Variants in LRRC72 observed in about 807,000 individuals in gnomAD.
LRRC72 encodes leucine rich repeat containing 72, also known as leucine-rich repeat-containing protein 72.
In LRRC72, 41 loss-of-function variants were observed where a neutral mutation model predicts 35.8. The observed-to-expected ratio is 1.15, with a 90% confidence interval of 0.89 to 1.49. LRRC72 has a LOEUF of 1.49. Among genes scored for constraint, LRRC72 ranks in the 40% most tolerant of loss-of-function variants. The pLI, the probability that LRRC72 is intolerant of heterozygous loss-of-function variation, is 0.00. For synonymous variants in LRRC72, 118 were observed against 119.2 expected (o/e 0.99, Z 0.07); for missense variants, 389 against 330.7 (o/e 1.18, Z -1.37).
At chr7:16,530,645 G>A (rs769080434) in intron 1 of LRRC72, 1 of 152,056 alleles carries the variant, frequency 6.6e-6, no homozygotes, top group African/African-American at 2.4e-5. Context: ...CCAATTAGTG[G>A]GGACTATTTC....
intron 1 of LRRC72, among the ~76,000 whole-genome samples, chr7:16,531,460 C>A (rs1434312066): frequency 6.6e-6 from 1 of 152,158 alleles, no homozygotes; most frequent in Non-Finnish European, 1.5e-5. Flanking sequence ...TAAATATGTT[C>A]ATTGCACTAA....
At chr7:16,563,819 G>A (rs1208732932) in intron 5 of LRRC72, among the ~76,000 whole-genome samples, 1 of 152,152 alleles carries the variant, frequency 6.6e-6, no homozygotes, top group Non-Finnish European at 1.5e-5. Context: ...TTTAAGCAGA[G>A]GATGGGCTAA....
intron 3 of LRRC72, among the ~76,000 whole-genome samples, chr7:16,553,062 A>T (rs1487076130): frequency 3.3e-5 from 5 of 152,194 alleles, no homozygotes; most frequent in Non-Finnish European, 5.9e-5. Flanking sequence ...AAGTTTTCAG[A>T]GATTATTACA....
intron 6 of LRRC72, among the ~76,000 whole-genome samples, chr7:16,567,115 G>A (rs1782858790): frequency 6.6e-6 from 1 of 152,132 alleles, no homozygotes; most frequent in Admixed American, 6.5e-5. Flanking sequence ...GATGTTTCAT[G>A]CTAAAATTTT....
intron 3 of LRRC72, among the ~76,000 whole-genome samples, chr7:16,553,837 T>C (rs1782598610): frequency 6.6e-6 from 1 of 152,230 alleles, no homozygotes; most frequent in Non-Finnish European, 1.5e-5. Context: ...TGATTACCTG[T>C]ATGTATTTTA....
chr7:16,537,565 C>G (rs529305845), intron 2 of LRRC72, 62 bp from the exon 3 acceptor site: 1 of 1,027,026 alleles, frequency 9.7e-7, no homozygotes, highest in Admixed American at 2.7e-5. Context: ...TAACTACATG[C>G]CCAGACTTAC....
At chr7:16,533,474 C>T (rs1004073666) in intron 2 of LRRC72, among the ~76,000 whole-genome samples, 2 of 152,136 alleles carry the variant, frequency 1.3e-5, no homozygotes, top group Non-Finnish European at 1.5e-5. Flanking sequence ...ACATTTTGTC[C>T]CCCTTACTTT....
chr7:16,529,937 C>T (rs1782133475), intron 1 of LRRC72, among the ~76,000 whole-genome samples: 1 of 152,148 alleles, frequency 6.6e-6, no homozygotes, highest in African/African-American at 2.4e-5. Flanking sequence ...GAAAGTCCCT[C>T]ATGATCTCAA....
At chr7:16,581,228 A>G in intron 8 of LRRC72, 96 bp from the exon 9 acceptor site, 1 of 1,131,386 alleles carries the variant, frequency 8.8e-7, no homozygotes, top group Admixed American at 3.3e-5. Flanking sequence ...TAACACAGAA[A>G]AACATGGCAT....
At chr7:16,556,976 G>C (rs1055050768) in intron 3 of LRRC72, among the ~76,000 whole-genome samples, 1 of 152,114 alleles carries the variant, frequency 6.6e-6, no homozygotes, top group Non-Finnish European at 1.5e-5. Context: ...GAGAGCCCTT[G>C]GCACATGATA....
At chr7:16,543,902 G>A (rs944939194) in intron 3 of LRRC72, among the ~76,000 whole-genome samples, 1 of 152,298 alleles carries the variant, frequency 6.6e-6, no homozygotes, top group South Asian at 2.1e-4. Flanking sequence ...ACTTCTGCAC[G>A]TGGTGATATG....
chr7:16,568,913 C>T (rs1204892955), intron 7 of LRRC72, among the ~76,000 whole-genome samples: 2 of 151,892 alleles, frequency 1.3e-5, no homozygotes, highest in African/African-American at 2.4e-5. Context: ...ATTTTATAAC[C>T]AACTCAATTA....
chr7:16,552,809 C>T (rs970636621), intron 3 of LRRC72, among the ~76,000 whole-genome samples: 1 of 152,092 alleles, frequency 6.6e-6, no homozygotes, highest in Non-Finnish European at 1.5e-5. Context: ...GAATGAGCTG[C>T]GCTGGACAGT....
At chr7:16,547,848 G>A (rs1048521599) in intron 3 of LRRC72, among the ~76,000 whole-genome samples, 1 of 152,220 alleles carries the variant, frequency 6.6e-6, no homozygotes, top group African/African-American at 2.4e-5. Context: ...CATGAACAGC[G>A]GCAGGAGGCA....
chr7:16,532,617 C>A, intron 2 of LRRC72, 49 bp downstream of exon 2: 2 of 1,304,100 alleles, frequency 1.5e-6, no homozygotes, highest in Non-Finnish European at 2.2e-6. Flanking sequence ...TTATCATGAT[C>A]ATGTTAAAAT....
chr7:16,557,364 A>C lies in LRRC72; in HGVS notation c.239A>C (p.His80Pro), dbSNP rs1193486605. ...TTCTCTAACTCTCATTTTTAGCTCC[A>C]TGGAATAACATTTCTAACTAGAAAC... ...KYLWLHHNKLHGITFLTRNYC... is the reference protein window; with the variant it reads ...KYLWLHHNKLPGITFLTRNYC... The change falls in exon 4 of 9, where the codon CAT becomes CCT. Residue 80 changes from histidine (H) to proline (P), a missense_variant. By Grantham distance (77) the His-to-Pro change is moderately conservative. Coordinates refer to ENST00000401542, the MANE Select transcript of LRRC72 (RefSeq NM_001195280.2). 1 of 1,270,152 alleles carries C rather than the reference A, an allele frequency of 7.9e-7. No individual in the cohort carries two copies. The highest frequency in any genetic ancestry group is 2.2e-5 in the South Asian group (1 of 46,180). 78.7% of individuals were successfully genotyped at this position (1,270,152 alleles called of 1,614,324 possible).
intron 7 of LRRC72, among the ~76,000 whole-genome samples, chr7:16,575,878 A>G (rs1783031801): frequency 6.6e-6 from 1 of 152,166 alleles, no homozygotes; most frequent in Non-Finnish European, 1.5e-5. Context: ...TTTCAGTGCT[A>G]TAATTATTAT....
chr7:16,560,880 AAT>A (rs1782733673), intron 5 of LRRC72, among the ~76,000 whole-genome samples: 1 of 152,176 alleles, frequency 6.6e-6, no homozygotes, highest in South Asian at 2.1e-4. Context: ...ATCATATAGT[AAT>A]ATGTTTGAAT....
intron 1 of LRRC72, among the ~76,000 whole-genome samples, chr7:16,529,468 G>T (rs968441570): frequency 1.3e-5 from 2 of 151,954 alleles, no homozygotes; most frequent in Non-Finnish European, 2.9e-5. Context: ...TGTTACTATC[G>T]TAATTGCTTA....
Sources: allele counts gnomAD v4.1 joint callset (sites outside exome capture counted in the v4.1 genomes callset), GRCh38; gene constraint gnomAD v4.1.1; transcripts MANE v1.5; gene names NCBI Gene and HGNC (gene_info 2026-07-23, HGNC 2026-07-21).